Variants in PRKCA observed in about 807,000 individuals in gnomAD.
PRKCA encodes the protein protein kinase C alpha.
PRKCA carries 27 observed loss-of-function variants against 87.0 expected under a neutral mutation model. The observed-to-expected ratio is 0.31, with a 90% CI of 0.23 to 0.43. The LOEUF is 0.43. Among genes scored for constraint, PRKCA ranks in the 20% least tolerant of loss-of-function variants. The pLI, the probability that PRKCA is intolerant of heterozygous loss-of-function variation, is 1.00. For missense variants in PRKCA, 518 were observed against 852.3 expected, an observed-to-expected ratio of 0.61 and a Z score of 4.88; for synonymous variants, 329 against 311.1, an observed-to-expected ratio of 1.06 and a Z score of -0.61.
chr17:66,329,351 A>G (rs1032637973), intron 2 of PRKCA, among the ~76,000 whole-genome samples: 7 of 152,164 alleles, frequency 4.6e-5, no homozygotes, highest in East Asian at 1.9e-4. Context: ...GAGGTCTCCA[A>G]GTGTATGGTA....
At chr17:66,696,933 T>C (rs1972938333) in intron 8 of PRKCA, among the ~76,000 whole-genome samples, 1 of 152,132 alleles carries the variant, frequency 6.6e-6, no homozygotes, top group Non-Finnish European at 1.5e-5. Context: ...TTGTCCCTGC[T>C]CCCAGGTTGC....
intron 3 of PRKCA, among the ~76,000 whole-genome samples, chr17:66,529,498 C>T (rs535793159): frequency 5.3e-5 from 8 of 152,294 alleles, no homozygotes; most frequent in Middle Eastern, 3.4e-3. Flanking sequence ...ATCAAGCTTC[C>T]TTCCCATCAC....
chr17:66,693,667 G>C (rs1245947190), intron 8 of PRKCA, among the ~76,000 whole-genome samples: 1 of 152,214 alleles, frequency 6.6e-6, no homozygotes. Context: ...GTTAGAGGCA[G>C]TGCAGAGGAT....
chr17:66,716,501 G>T lies in PRKCA; in HGVS notation c.919-16187G>T, dbSNP rs373127751. On this transcript the variant is annotated intron_variant, in intron 8 of 16. Transcript: ENST00000413366. ...GCAGATGGAAAAACTTAAGGTCATT[G>T]GTGGGGAATCCTCATGTAAGCCTGG... 3.9e-5 allele frequency among the ~76,000 whole-genome samples: 6 copies of T among 152,246 alleles called. No homozygotes were observed. The East Asian group carries it at 1.2e-3, about 29-fold the overall frequency.
chr17:66,614,412 C>G (rs1423057986), intron 3 of PRKCA, among the ~76,000 whole-genome samples: 1 of 152,118 alleles, frequency 6.6e-6, no homozygotes, highest in Non-Finnish European at 1.5e-5. Flanking sequence ...TCAATTATCT[C>G]CTTTAATTCT....
chr17:66,382,771 G>A (rs1234261306), intron 2 of PRKCA, among the ~76,000 whole-genome samples: 1 of 152,134 alleles, frequency 6.6e-6, no homozygotes, highest in Admixed American at 6.5e-5. Context: ...GGGCTGGAGG[G>A]CTGCTACTGG....
chr17:66,347,048 A>G (rs1052236729), intron 2 of PRKCA, among the ~76,000 whole-genome samples: 1 of 150,452 alleles, frequency 6.6e-6, no homozygotes, highest in East Asian at 2.0e-4. Context: ...AAAAAAAATT[A>G]TTGGGGACTC....
In PRKCA at chr17:66,485,038, A is replaced by G. The variant is rs943073666; in HGVS notation, c.206-11163A>G. Among the ~76,000 whole-genome samples the G allele has an allele frequency of 2.6e-5, 4 of 152,158 alleles. No individual in the cohort carries two copies. The East Asian group carries it at 7.7e-4, about 29-fold the overall frequency. ...TGGGAAGAGAGAGGATGTGAGAGAC[A>G]CCAGCTCCTTTACATGTTTCCCTCC... On this transcript the variant is annotated intron_variant, in intron 2 of 16. Coordinates refer to ENST00000413366, the MANE Select transcript of PRKCA (RefSeq NM_002737.3).
chr17:66,530,149 AT>A (rs1967490450), intron 3 of PRKCA, among the ~76,000 whole-genome samples: 1 of 152,232 alleles, frequency 6.6e-6, no homozygotes. Context: ...TAGAATCCTT[AT>A]CGTCTTGAAG....
chr17:66,591,165 G>GTTT (rs1304274250), intron 3 of PRKCA, among the ~76,000 whole-genome samples: 1 of 152,016 alleles, frequency 6.6e-6, no homozygotes, highest in Non-Finnish European at 1.5e-5. Flanking sequence ...TGTTGTTGTT[G>GTTT]TTTTAAAGAC....
At chr17:66,395,620 C>T (rs1910619777) in intron 2 of PRKCA, among the ~76,000 whole-genome samples, 1 of 152,136 alleles carries the variant, frequency 6.6e-6, no homozygotes, top group Admixed American at 6.5e-5. Flanking sequence ...TAACTAAGCA[C>T]AAGGAACAGT....
intron 8 of PRKCA, among the ~76,000 whole-genome samples, chr17:66,710,997 C>T (rs1295222574): frequency 6.6e-6 from 1 of 151,810 alleles, no homozygotes; most frequent in Non-Finnish European, 1.5e-5. Flanking sequence ...GAGCCGAGAT[C>T]GCACCATTGC....
chr17:66,445,136 C>G (rs535258018), intron 2 of PRKCA, among the ~76,000 whole-genome samples: 1 of 152,294 alleles, frequency 6.6e-6, no homozygotes, highest in South Asian at 2.1e-4. Flanking sequence ...ATGCTCTACC[C>G]CTGAGCTATC....
chr17:66,710,004 G>T (rs1973284208), intron 8 of PRKCA, among the ~76,000 whole-genome samples: 1 of 152,084 alleles, frequency 6.6e-6, no homozygotes, highest in Non-Finnish European at 1.5e-5. Flanking sequence ...AATACTCCAG[G>T]ACCCCGTCAT....
At chr17:66,450,848 T>C (rs2143919515) in intron 2 of PRKCA, among the ~76,000 whole-genome samples, 1 of 152,350 alleles carries the variant, frequency 6.6e-6, no homozygotes, top group South Asian at 2.1e-4. Flanking sequence ...AACCGCTAAC[T>C]GATGCGATTA....
chr17:66,522,617 C>A (rs1436046282), intron 3 of PRKCA, among the ~76,000 whole-genome samples: 2 of 151,996 alleles, frequency 1.3e-5, no homozygotes, highest in Non-Finnish European at 2.9e-5. Flanking sequence ...TGAACCCCAC[C>A]TTTGTTGAAG....
intron 2 of PRKCA, among the ~76,000 whole-genome samples, chr17:66,307,737 G>A (rs969637904): frequency 2.0e-5 from 3 of 152,228 alleles, no homozygotes; most frequent in South Asian, 2.1e-4. Flanking sequence ...TGAACTTTTA[G>A]TGGATTAGCA....
chr17:66,652,656 T>G (rs1971619238), intron 5 of PRKCA, among the ~76,000 whole-genome samples: 1 of 152,248 alleles, frequency 6.6e-6, no homozygotes, highest in East Asian at 1.9e-4. Flanking sequence ...GTGATATAGG[T>G]GTTCACTGTA....
intron 2 of PRKCA, among the ~76,000 whole-genome samples, chr17:66,346,257 T>C (rs1336442098): frequency 6.6e-6 from 1 of 151,778 alleles, no homozygotes; most frequent in Non-Finnish European, 1.5e-5. Context: ...CCACCACGCC[T>C]GGCTAATTTT....
Sources: allele counts gnomAD v4.1 joint callset (sites outside exome capture counted in the v4.1 genomes callset), GRCh38; gene constraint gnomAD v4.1.1; transcripts MANE v1.5; gene names NCBI Gene and HGNC (gene_info 2026-07-23, HGNC 2026-07-21).